The following LMOD2 variants were observed in gnomAD, a reference collection of about 807,000 sequenced individuals.
LMOD2 encodes the protein leiomodin-2.
Under a neutral mutation model 41.7 loss-of-function variants are expected in LMOD2, and 27 were observed. The ratio of observed to expected loss-of-function variants is 0.65; its 90% CI spans 0.48 to 0.89. The LOEUF is 0.89. Among genes scored for constraint, LMOD2 ranks in the 40% least tolerant of loss-of-function variants. The pLI is 0.00. For missense variants in LMOD2, 624 were observed against 667.9 expected (o/e 0.93, Z 0.72); for synonymous variants, 251 against 244.6 (o/e 1.03, Z -0.25).
chr7:123,662,893 AAAGGCTGCCACCACCTCCTCCTCCTCCCC>A lies in LMOD2; in HGVS notation c.1308_1336del (p.Gln436HisfsTer78). 1 of 1,129,078 alleles carries A rather than the reference AAAGGCTGCCACCACCTCCTCCTCCTCCCC, an allele frequency of 8.9e-7. No individual in the cohort carries two copies. The highest frequency in any genetic ancestry group is 1.1e-6 in the Non-Finnish European group (1 of 869,668). 69.9% of individuals were successfully genotyped at this position (1,129,078 alleles called of 1,614,324 possible). On this transcript the variant is annotated frameshift_variant, in exon 2 of 3. Transcript: ENST00000458573. LOFTEE classifies it high-confidence loss of function. The surrounding 1 kb of genome is among the most constrained non-coding windows in gnomAD (Gnocchi z 4.0). ...CCTCCTCCTCCCCCTCCTTCTTCCC[AAAGGCTGCCACCACCTCCTCCTCCTCCCC>A]CTCCTCCACTCCCAGAGAAAAAGCT...
intron 1 of LMOD2, among the ~76,000 whole-genome samples, chr7:123,660,732 C>CT (rs879834261): frequency 0.021 from 3,067 of 144,862 alleles, 93 homozygotes; most frequent in African/African-American, 0.072. Flanking sequence ...ATTTCTAGAC[C>CT]TTTTTTTTTT....
chr7:123,661,015 A>G (rs1330776988), intron 1 of LMOD2, among the ~76,000 whole-genome samples: 2 of 152,182 alleles, frequency 1.3e-5, no homozygotes, highest in Non-Finnish European at 2.9e-5. Flanking sequence ...GGTCTTCTAC[A>G]GTCTGTCTCA....
intron 1 of LMOD2, among the ~76,000 whole-genome samples, chr7:123,657,625 A>T (rs1802809002): frequency 6.6e-6 from 1 of 152,010 alleles, no homozygotes; most frequent in African/African-American, 2.4e-5. Flanking sequence ...TGTGATAATG[A>T]GCATCAAAAT....
chr7:123,656,219 C>G lies in LMOD2; in HGVS notation c.256C>G (p.Leu86Val). ...CCAAAAACTCTTGGAGAAGGAGAGG[C>G]TGGGGGAATGTGGAAAGGTAGGCTC... is the stretch of plus-strand genomic sequence containing the variant. ...ESQKLLEKER[L>V]GECGKVAEDK... is the part of the protein sequence containing the mutation. The change falls in exon 1 of 3, where the codon CTG (leucine) becomes GTG (valine). Residue 86 changes from leucine to valine, a missense_variant. Transcript: ENST00000458573. 6.2e-7 allele frequency: 1 copy of G among 1,607,752 alleles called. No individual in the cohort carries two copies. Among genetic ancestry groups the G allele is most frequent in the East Asian group, 2.2e-5 (1 of 44,730 alleles).
Position 123,662,861 on chromosome 7 carries a change from C to CCCT in LMOD2, c.1290_1292dup (p.Pro433dup), listed in dbSNP as rs746188418. The CCCT allele has an allele frequency of 3.9e-6, 6 of 1,550,448 alleles. No homozygotes were observed. Among genetic ancestry groups the CCCT allele is most frequent in the Admixed American group, 3.7e-5 (2 of 53,922 alleles). ...CTGTGGCCACACCTCCTCCTCCTCCCCCTCCTCCTCCTCCTCCCCCTCCTT... is the reference window on the plus strand; with the variant it reads ...CTGTGGCCACACCTCCTCCTCCTCCCCCTCCTCCTCCTCCTCCTCCCCCTCCTT... On this transcript the variant is annotated inframe_insertion, in exon 2 of 3. Coordinates refer to ENST00000458573, the MANE Select transcript of LMOD2 (RefSeq NM_207163.3). This position sits in a 1 kb window ranked among gnomAD's most constrained non-coding sequence, Gnocchi z 4.0.
rs1379354971 is a variant in LMOD2 at position 123,662,507 on chromosome 7, G to A, written c.921G>A (p.Arg307=). ...VLTELRFHNQ[R]HIMGSQVEME... is the part of the protein sequence containing the mutation. ...CGGAGCTGCGTTTCCATAACCAGAGGCACATCATGGGCAGCCAGGTGGAAA... is the reference window on the plus strand; with the variant it reads ...CGGAGCTGCGTTTCCATAACCAGAGACACATCATGGGCAGCCAGGTGGAAA... The change falls in exon 2 of 3, where the codon AGG becomes AGA. Residue 307 remains arginine, a synonymous_variant. Transcript: ENST00000458573. The surrounding 1 kb of genome is among the most constrained non-coding windows in gnomAD (Gnocchi z 4.0). 6.2e-7 allele frequency: 1 copy of A among 1,613,774 alleles called. No individual in the cohort carries two copies. Among genetic ancestry groups the A allele is most frequent in the Non-Finnish European group, 8.5e-7 (1 of 1,179,850 alleles).
chr7:123,661,136 C>T (rs972611911), intron 1 of LMOD2, among the ~76,000 whole-genome samples: 1 of 152,202 alleles, frequency 6.6e-6, no homozygotes, highest in Non-Finnish European at 1.5e-5. Flanking sequence ...GAGCAGCAGC[C>T]CTGCCTTTAG....
At chr7:123,657,991 TAAAAAAAAA>T (rs10693592) in intron 1 of LMOD2, among the ~76,000 whole-genome samples, 2 of 90,584 alleles carry the variant, frequency 2.2e-5, no homozygotes, top group African/African-American at 4.5e-5. Flanking sequence ...CTTGTCTCAT[TAAAAAAAAA>T]AAAAAAAAAA....
chr7:123,655,870 GTTGACCAGCCTGCCAC>G lies in LMOD2; in HGVS notation c.-90_-75del. On this transcript the variant is annotated 5_prime_UTR_variant, in exon 1 of 3. Coordinates refer to ENST00000458573, the MANE Select transcript of LMOD2 (RefSeq NM_207163.3). ...CCCACAGCCACTCCTAGCACCAGTT[GTTGACCAGCCTGCCAC>G]TTGCCTCCCTGCCTGCTTCTGGCCG... The G allele has an allele frequency of 1.7e-6, 2 of 1,183,048 alleles. No individual in the cohort carries two copies. Among genetic ancestry groups the G allele is most frequent in the Non-Finnish European group, 2.4e-6 (2 of 845,336 alleles). The allele number at this position is 1,183,048 out of a possible 1,614,324, so 73.3% of individuals were successfully genotyped here. A position where few individuals can be genotyped will look rare whatever the true frequency, so the allele number is the denominator to read the frequency against.
At chr7:123,663,675 T>C (rs371304604) in intron 2 of LMOD2, 44 bp from the exon 3 acceptor site, 5 of 1,531,236 alleles carry the variant, frequency 3.3e-6, no homozygotes, top group Admixed American at 1.9e-5. Context: ...TTTTCACTTA[T>C]CATGTGTGTT....
chr7:123,661,479 G>T (rs1802873371), intron 1 of LMOD2, among the ~76,000 whole-genome samples: 1 of 152,224 alleles, frequency 6.6e-6, no homozygotes, highest in Non-Finnish European at 1.5e-5. Flanking sequence ...GGTTGAATTT[G>T]CTACATTGTA....
chr7:123,656,453 TTTGA>T (rs766025968), intron 1 of LMOD2, among the ~76,000 whole-genome samples: 2 of 152,240 alleles, frequency 1.3e-5, no homozygotes, highest in South Asian at 2.1e-4. Flanking sequence ...ATTGGGGCTC[TTTGA>T]TTGATTACAA....
At chr7:123,660,342 C>G (rs986551589) in intron 1 of LMOD2, among the ~76,000 whole-genome samples, 20 of 151,496 alleles carry the variant, frequency 1.3e-4, no homozygotes, top group African/African-American at 2.9e-4. Context: ...CACACACACA[C>G]AGAGACACAC....
chr7:123,659,535 G>A (rs1317594042), intron 1 of LMOD2, among the ~76,000 whole-genome samples: 1 of 152,182 alleles, frequency 6.6e-6, no homozygotes, highest in Non-Finnish European at 1.5e-5. Flanking sequence ...GGCAAACTGG[G>A]AGGGTTTATC....
chr7:123,662,822 C>A lies in LMOD2; in HGVS notation c.1236C>A (p.Ser412Arg), dbSNP rs776837248. ...KLPKKVQTVR[S>R]RPLSPVATPP... ...CCAAAAAAGTCCAGACTGTGAGGAG[C>A]CGTCCTCTGTCTCCTGTGGCCACAC... The change falls in exon 2 of 3, where the codon AGC (serine) becomes AGA (arginine). Residue 412 changes from serine to arginine, a missense_variant. Coordinates refer to ENST00000458573, the MANE Select transcript of LMOD2 (RefSeq NM_207163.3). The surrounding 1 kb of genome is among the most constrained non-coding windows in gnomAD (Gnocchi z 4.0). 2.5e-6 allele frequency: 4 copies of A among 1,613,056 alleles called. No homozygotes were observed. The East Asian group carries it at 6.7e-5, about 27-fold the overall frequency.
At chr7:123,663,367 C>T (rs1241530484) in intron 2 of LMOD2, 164 bp downstream of exon 2, 1 of 865,252 alleles carries the variant, frequency 1.2e-6, no homozygotes, top group Non-Finnish European at 1.7e-6. Flanking sequence ...AGCAGGCACA[C>T]AAGTGAGCAC....
chr7:123,663,231 G>A (rs1386264506), intron 2 of LMOD2, 28 bp downstream of exon 2: 2 of 1,545,320 alleles, frequency 1.3e-6, no homozygotes, highest in East Asian at 4.9e-5. Flanking sequence ...AGACATAGGG[G>A]CACAGATAAA....
In LMOD2 at chr7:123,662,260, C is replaced by T. The variant is rs937513566; in HGVS notation, c.674C>T (p.Thr225Ile). Residue 225 changes from threonine (T) to isoleucine (I), a missense_variant, in exon 2 of 3, where the codon ACA becomes ATA. Coordinates refer to ENST00000458573, the MANE Select transcript of LMOD2 (RefSeq NM_207163.3). This position sits in a 1 kb window ranked among gnomAD's most constrained non-coding sequence, Gnocchi z 4.0. Reference sequence around the variant, plus strand: ...AATTTGAACAACATTGAGAACATCACAACACAGACCCTTACCCGCTTTGCT... The same window carrying T: ...AATTTGAACAACATTGAGAACATCATAACACAGACCCTTACCCGCTTTGCT... ...EVNLNNIENI[T>I]TQTLTRFAEA... 2 of 1,613,866 alleles carry T rather than the reference C, an allele frequency of 1.2e-6. No individual in the cohort carries two copies. The highest frequency in any genetic ancestry group is 1.7e-6 in the Non-Finnish European group (2 of 1,179,892).
Position 123,655,908 on chromosome 7 carries a change from G to C in LMOD2, c.-56G>C. On this transcript the variant is annotated 5_prime_UTR_variant, in exon 1 of 3. Transcript: ENST00000458573. Reference sequence around the variant, plus strand: ...CCACTTGCCTCCCTGCCTGCTTCTGGCCGCCTTGAATGCCTGGTCCTTCAA... The same window carrying C: ...CCACTTGCCTCCCTGCCTGCTTCTGCCCGCCTTGAATGCCTGGTCCTTCAA... 6.6e-7 allele frequency: 1 copy of C among 1,520,638 alleles called. No individual in the cohort carries two copies. Among genetic ancestry groups the C allele is most frequent in the Non-Finnish European group, 8.8e-7 (1 of 1,132,578 alleles). The allele number at this position is 1,520,638 out of a possible 1,614,324, so 94.2% of individuals were successfully genotyped here.
Sources: allele counts gnomAD v4.1 joint callset (sites outside exome capture counted in the v4.1 genomes callset), GRCh38; gene constraint gnomAD v4.1.1; non-coding constraint Gnocchi (gnomAD v3.1); transcripts MANE v1.5; gene names NCBI Gene and HGNC (gene_info 2026-07-23, HGNC 2026-07-21).